CSNK2A2: variants seen among roughly 807,000 people sequenced by gnomAD.
CSNK2A2 encodes casein kinase 2 alpha 2, also known as casein kinase II subunit alpha'.
Under a neutral mutation model 54.0 loss-of-function variants are expected in CSNK2A2, and 8 were observed. The observed-to-expected ratio is 0.15, with a 90% CI of 0.09 to 0.27. The LOEUF is 0.27. CSNK2A2 is among the 10% of genes least tolerant of loss of function. CSNK2A2 has a pLI of 1.00. For missense variants in CSNK2A2, 242 were observed against 439.4 expected (o/e 0.55, Z 4.02); for synonymous variants, 141 against 153.9 (o/e 0.92, Z 0.62).
At chr16:58,185,965 TTA>T (rs1335000874) in intron 3 of CSNK2A2, among the ~76,000 whole-genome samples, 1 of 152,216 alleles carries the variant, frequency 6.6e-6, no homozygotes, top group East Asian at 1.9e-4. Flanking sequence ...TACTATATTA[TTA>T]TGAGGATGTC....
intron 11 of CSNK2A2, 44 bp downstream of exon 11, chr16:58,164,010 G>A: frequency 1.4e-6 from 2 of 1,449,436 alleles, no homozygotes; most frequent in South Asian, 2.3e-5. Context: ...CAAGGTTTGT[G>A]TTTGGTTGGT....
intron 8 of CSNK2A2, 61 bp downstream of exon 8, chr16:58,167,119 GTGGCTCAAGGATAGTATTCTTATCTAA>G (rs1469757238): frequency 7.6e-6 from 6 of 791,598 alleles, no homozygotes; most frequent in Middle Eastern, 2.4e-4. Context: ...GTGATACTTA[GTGGCTCAAGGATAGTATTCTTATCTAA>G]GGATGCTATT....
intron 1 of CSNK2A2, 66 bp from the exon 2 acceptor site, chr16:58,196,910 C>T: frequency 3.1e-6 from 3 of 966,608 alleles, no homozygotes; most frequent in Middle Eastern, 2.1e-4. Flanking sequence ...GCCCACTGTA[C>T]ACGTCATTCA....
intron 4 of CSNK2A2, among the ~76,000 whole-genome samples, chr16:58,182,418 G>A (rs1162038026): frequency 6.8e-6 from 1 of 146,004 alleles, no homozygotes; most frequent in Non-Finnish European, 1.5e-5. Flanking sequence ...AGCCAGGCGT[G>A]GTGGTGCACG....
rs1961641484 is a variant in CSNK2A2 at position 58,168,696 on chromosome 16, A to G, written c.430-3T>C. On this transcript the variant is annotated splice_region_variant and splice_polypyrimidine_tract_variant and intron_variant, in intron 5 of 11. Transcript: ENST00000262506. ...TTGCTGTGGCAGTAATCCAGAGCCT[A>G]TTAGGTAAGAAAGCACAGATAATAG... is the stretch of plus-strand genomic sequence containing the variant. The G allele has an allele frequency of 6.2e-7, 1 of 1,611,250 alleles. No homozygotes were observed. Among genetic ancestry groups the G allele is most frequent in the Non-Finnish European group, 8.5e-7 (1 of 1,177,494 alleles).
At chr16:58,184,160 C>CA in intron 4 of CSNK2A2, 100 bp downstream of exon 4, 1 of 850,490 alleles carries the variant, frequency 1.2e-6, no homozygotes, top group Non-Finnish European at 1.8e-6. Context: ...CTCCTCTCAC[C>CA]AATGACAGCC....
chr16:58,183,797 T>C (rs16959778), intron 4 of CSNK2A2, among the ~76,000 whole-genome samples: 10,701 of 152,266 alleles, frequency 0.07, 475 homozygotes, highest in South Asian at 0.21. Context: ...TCTAAAGCAC[T>C]GACTCTGGTT....
At chr16:58,184,476 G>C (rs58556930) in intron 3 of CSNK2A2, among the ~76,000 whole-genome samples, 166 bp from the exon 4 acceptor site, 1 of 152,322 alleles carries the variant, frequency 6.6e-6, no homozygotes, top group East Asian at 1.9e-4. Context: ...ATGATGTCTG[G>C]AATTTGCTTC....
intron 2 of CSNK2A2, among the ~76,000 whole-genome samples, chr16:58,195,583 C>T (rs1184558760): frequency 1.3e-5 from 2 of 152,228 alleles, no homozygotes; most frequent in African/African-American, 4.8e-5. Context: ...TCTTCTCAAT[C>T]TCTCACTAAA....
chr16:58,163,254 A>G lies in CSNK2A2; in HGVS notation c.*17+800T>C, dbSNP rs1474335640. On this transcript the variant is annotated intron_variant, in intron 11 of 11. Transcript: ENST00000262506. ...GTGAAGTTCTCCTTACAAGGCTGCC[A>G]AAAAAAAAAAAAAAAAAAAAAAAGA... The G allele has an allele frequency of 4.3e-5, 3 of 69,752 alleles. No homozygotes were observed. The East Asian group carries it at 1.5e-3, about 35-fold the overall frequency. 4.3% of individuals were successfully genotyped at this position (69,752 alleles called of 1,614,324 possible).
chr16:58,161,536 CAG>C (rs143644076), intron 11 of CSNK2A2: 20,505 of 144,234 alleles, frequency 0.14, 1,875 homozygotes, highest in Admixed American at 0.26. Context: ...GACACACACA[CAG>C]ACACACACAC....
chr16:58,168,077 G>A (rs1382013589), intron 6 of CSNK2A2, among the ~76,000 whole-genome samples: 1 of 152,008 alleles, frequency 6.6e-6, no homozygotes, highest in Non-Finnish European at 1.5e-5. Context: ...GAAACTGTAG[G>A]CAGTTACACT....
At chr16:58,172,875 A>G (rs1374831695) in intron 5 of CSNK2A2, among the ~76,000 whole-genome samples, 1 of 152,236 alleles carries the variant, frequency 6.6e-6, no homozygotes, top group Non-Finnish European at 1.5e-5. Flanking sequence ...AAAGGACATC[A>G]GACATTGAGT....
In CSNK2A2 at chr16:58,197,024, A is replaced by G; in HGVS notation, c.105-180T>C. On this transcript the variant is annotated intron_variant, in intron 1 of 11. Coordinates refer to ENST00000262506, the MANE Select transcript of CSNK2A2 (RefSeq NM_001896.4). The surrounding 1 kb of genome is among the most constrained non-coding windows in gnomAD (Gnocchi z 4.0). Reference sequence around the variant, plus strand: ...AATCTTGGCTCCCTTCACTCTGCAGAGCTCCTAACCTAATTGGTCTCTCCT... The same window carrying G: ...AATCTTGGCTCCCTTCACTCTGCAGGGCTCCTAACCTAATTGGTCTCTCCT... The G allele has an allele frequency of 1.7e-6, 1 of 596,778 alleles. No homozygotes were observed. The highest frequency in any genetic ancestry group is 3.1e-6 in the Non-Finnish European group (1 of 325,904). 37.0% of individuals were successfully genotyped at this position (596,778 alleles called of 1,614,324 possible).
chr16:58,196,601 ACT>A, intron 2 of CSNK2A2, 130 bp downstream of exon 2: 2 of 685,340 alleles, frequency 2.9e-6, no homozygotes, highest in East Asian at 5.4e-5. Flanking sequence ...ACAGAGTGAG[ACT>A]CTGACTCTAA....
chr16:58,160,958 G>A (rs1243632088), intron 11 of CSNK2A2: 1 of 152,358 alleles, frequency 6.6e-6, no homozygotes, highest in African/African-American at 2.4e-5. Context: ...TGGTGTTTAA[G>A]TGCCTCAATG....
At chr16:58,189,596 G>A (rs1003673617) in intron 2 of CSNK2A2, among the ~76,000 whole-genome samples, 1 of 152,142 alleles carries the variant, frequency 6.6e-6, no homozygotes, top group African/African-American at 2.4e-5. Flanking sequence ...TACATCTAAA[G>A]GTATCTGGCA....
In CSNK2A2 at chr16:58,196,660, T is replaced by A. The variant is rs904427101; in HGVS notation, c.216+73A>T. The A allele has an allele frequency of 1.0e-5, 9 of 892,628 alleles. No homozygotes were observed. The East Asian group carries it at 1.4e-4, about 14-fold the overall frequency. The allele number at this position is 892,628 out of a possible 1,614,324, so 55.3% of individuals were successfully genotyped here. A position where few individuals can be genotyped will look rare whatever the true frequency, so the allele number is the denominator to read the frequency against. On this transcript the variant is annotated intron_variant, in intron 2 of 11. Transcript: ENST00000262506. ...CAAGCTTGCATTGCCCATTATAGAA[T>A]GTGACTGGGGTACCTTACAAACTTT... is the stretch of plus-strand genomic sequence containing the variant.
chr16:58,166,558 GCA>G, intron 9 of CSNK2A2, 24 bp downstream of exon 9: 9 of 1,429,388 alleles, frequency 6.3e-6, no homozygotes, highest in African/African-American at 1.4e-5. Flanking sequence ...GTAAGGTAAA[GCA>G]CTCTCTCTCT....
Sources: gnomAD v4.1 joint callset for allele counts (sites outside exome capture counted in the v4.1 genomes callset) on GRCh38, gnomAD v4.1.1 for gene constraint, Gnocchi (gnomAD v3.1) non-coding constraint, MANE v1.5 for transcripts, NCBI Gene and HGNC (gene_info 2026-07-23, HGNC 2026-07-21) for gene names.